Variants in KCNH5 observed in about 807,000 individuals in gnomAD.
KCNH5 encodes the protein voltage-gated delayed rectifier potassium channel KCNH5.
Under a neutral mutation model 96.1 loss-of-function variants are expected in KCNH5, and 46 were observed. The ratio of observed to expected loss-of-function variants is 0.48; its 90% CI spans 0.38 to 0.61. KCNH5 has a LOEUF of 0.61. KCNH5 is among the 20% of genes least tolerant of loss of function. The pLI is 0.00. For missense variants in KCNH5, 907 were observed against 1,225.8 expected (o/e 0.74, Z 3.88); for synonymous variants, 439 against 449.8 (o/e 0.98, Z 0.30).
chr14:62,843,872 T>C (rs935425284), intron 8 of KCNH5, among the ~76,000 whole-genome samples: 1 of 152,074 alleles, frequency 6.6e-6, no homozygotes, highest in African/African-American at 2.4e-5. Flanking sequence ...ATATAATCCA[T>C]TTTTCATATC....
chr14:62,983,193 G>A (rs1890642180), intron 5 of KCNH5, among the ~76,000 whole-genome samples: 1 of 151,982 alleles, frequency 6.6e-6, no homozygotes, highest in South Asian at 2.1e-4. Context: ...ACTCCTTCAT[G>A]GTGAAACCCC....
intron 4 of KCNH5, among the ~76,000 whole-genome samples, chr14:62,989,470 T>C (rs1890770658): frequency 6.6e-6 from 1 of 152,102 alleles, no homozygotes; most frequent in Admixed American, 6.6e-5. Context: ...TATTTTCACA[T>C]GTTACAATCA....
At chr14:63,012,934 T>G (rs1395100268) in intron 2 of KCNH5, among the ~76,000 whole-genome samples, 1 of 150,580 alleles carries the variant, frequency 6.6e-6, no homozygotes, top group African/African-American at 2.4e-5. Flanking sequence ...ATAAACACAC[T>G]TTAGAATTAA....
chr14:62,765,932 C>T (rs138833773), intron 10 of KCNH5, among the ~76,000 whole-genome samples: 3 of 151,876 alleles, frequency 2.0e-5, no homozygotes, highest in African/African-American at 7.3e-5. Context: ...AAAATATTTG[C>T]AAACTACCCA....
chr14:62,890,612 T>C lies in KCNH5; in HGVS notation c.1370-40760A>G, dbSNP rs370952141. 5.6e-5 allele frequency among the ~76,000 whole-genome samples: 8 copies of C among 142,766 alleles called. No homozygotes were observed. The East Asian group carries it at 1.5e-3, about 26-fold the overall frequency. 93.7% of individuals were successfully genotyped at this position (142,766 alleles called of 152,430 possible). A position where few individuals can be genotyped will look rare whatever the true frequency, so the allele number is the denominator to read the frequency against. The stretch of plus-strand genomic sequence containing the variant: ...TACTTGGGAGGCTGAGTCAGGAGAA[T>C]GGCGTGAACCCGGGAGGCGGAGCTT... On this transcript the variant is annotated intron_variant, in intron 7 of 10. Transcript: ENST00000322893.
chr14:63,003,637 T>TTTTTTTTA (rs1891070884), intron 3 of KCNH5, among the ~76,000 whole-genome samples: 1 of 137,268 alleles, frequency 7.3e-6, no homozygotes, highest in African/African-American at 2.7e-5. Flanking sequence ...TTTTTTTTTT[T>TTTTTTTTA]GAGACGGAGT....
At chr14:62,850,822 TTTA>T (rs1482184333) in intron 7 of KCNH5, among the ~76,000 whole-genome samples, 4 of 152,196 alleles carry the variant, frequency 2.6e-5, no homozygotes, top group Admixed American at 6.5e-5. Flanking sequence ...GGGGCAGTAC[TTTA>T]TTCACCTTAA....
chr14:62,739,156 A>G (rs760578861), intron 10 of KCNH5, among the ~76,000 whole-genome samples: 1 of 152,176 alleles, frequency 6.6e-6, no homozygotes, highest in Non-Finnish European at 1.5e-5. Flanking sequence ...AACAGTTAAC[A>G]TTCACTCCAA....
At chr14:62,936,219 A>G (rs1389765583) in intron 7 of KCNH5, among the ~76,000 whole-genome samples, 1 of 152,184 alleles carries the variant, frequency 6.6e-6, no homozygotes, top group Non-Finnish European at 1.5e-5. Context: ...GAAAGCTTTA[A>G]AAGGGAAGAA....
chr14:62,803,835 T>C (rs1370015294), intron 8 of KCNH5, among the ~76,000 whole-genome samples: 1 of 152,210 alleles, frequency 6.6e-6, no homozygotes, highest in Non-Finnish European at 1.5e-5. Context: ...ACCCCCTTTG[T>C]AAACTATTCT....
rs963503295 is a variant in KCNH5 at position 62,969,355 on chromosome 14, C to T, written c.942+11517G>A. On this transcript the variant is annotated intron_variant, in intron 6 of 10. Transcript: ENST00000322893. ...AATCTATACTTTCACCTTTGCAAACCAGAAATCCAAAGTAAGTCAAAGAAA... is the reference window on the plus strand; with the variant it reads ...AATCTATACTTTCACCTTTGCAAACTAGAAATCCAAAGTAAGTCAAAGAAA... Among the ~76,000 whole-genome samples the T allele has an allele frequency of 1.3e-5, 2 of 151,996 alleles. 1 individual carries two copies. Among genetic ancestry groups the T allele is most frequent in the Middle Eastern group, 6.8e-3 (2 of 294 alleles).
chr14:62,856,011 T>C (rs1887920833), intron 7 of KCNH5, among the ~76,000 whole-genome samples: 1 of 152,234 alleles, frequency 6.6e-6, no homozygotes, highest in African/African-American at 2.4e-5. Context: ...TCCCAAATTA[T>C]ATTCTTTGAA....
chr14:62,844,957 A>AGC lies in KCNH5; in HGVS notation c.1569+4695_1569+4696insGC, dbSNP rs201944414. On this transcript the variant is annotated intron_variant, in intron 8 of 10. Transcript: ENST00000322893. Reference sequence around the variant, plus strand: ...TTTTTTCTCTAATTAGCTTCAATGAATCATTAAATTTCTTTGTACAAGCAA... The same window carrying AGC: ...TTTTTTCTCTAATTAGCTTCAATGAAGCTCATTAAATTTCTTTGTACAAGCAA... 8.3e-3 allele frequency among the ~76,000 whole-genome samples: 1,257 copies of AGC among 152,316 alleles called. 13 individuals carry two copies. Among genetic ancestry groups the AGC allele is most frequent in the Middle Eastern group, 0.041 (12 of 294 alleles).
intron 10 of KCNH5, among the ~76,000 whole-genome samples, chr14:62,726,400 C>T (rs576023328): frequency 2.6e-5 from 4 of 151,268 alleles, no homozygotes; most frequent in South Asian, 2.1e-4. Context: ...TGCATATACC[C>T]GATAAAAACT....
intron 8 of KCNH5, among the ~76,000 whole-genome samples, chr14:62,842,680 C>T (rs915204872): frequency 6.6e-6 from 1 of 152,184 alleles, no homozygotes. Flanking sequence ...TTGTCCCATA[C>T]TGGCCTGGCA....
At chr14:62,909,324 C>T (rs1303995080) in intron 7 of KCNH5, among the ~76,000 whole-genome samples, 2 of 151,950 alleles carry the variant, frequency 1.3e-5, no homozygotes, top group African/African-American at 4.8e-5. Flanking sequence ...GGATTACAGG[C>T]GTGAGCCACC....
chr14:62,877,591 A>C (rs1391352364), intron 7 of KCNH5, among the ~76,000 whole-genome samples: 1 of 152,248 alleles, frequency 6.6e-6, no homozygotes, highest in Non-Finnish European at 1.5e-5. Flanking sequence ...AACACATGAA[A>C]AAATGCTCAC....
chr14:62,911,722 C>T (rs567628121), intron 7 of KCNH5, among the ~76,000 whole-genome samples: 2 of 143,032 alleles, frequency 1.4e-5, no homozygotes, highest in East Asian at 4.1e-4. Flanking sequence ...TTTTAACTAG[C>T]TTTTTTTTTT....
At chr14:63,040,268 C>A (rs1891798056) in intron 1 of KCNH5, among the ~76,000 whole-genome samples, 1 of 152,068 alleles carries the variant, frequency 6.6e-6, no homozygotes, top group Non-Finnish European at 1.5e-5. Flanking sequence ...CTTACACATC[C>A]TACTTCTGGA....
Sources: gnomAD v4.1 joint callset for allele counts (sites outside exome capture counted in the v4.1 genomes callset) on GRCh38, gnomAD v4.1.1 for gene constraint, MANE v1.5 for transcripts, NCBI Gene and HGNC (gene_info 2026-07-23, HGNC 2026-07-21) for gene names.